Variants in DAB1 observed in about 807,000 individuals in gnomAD.
The protein encoded by DAB1 is disabled homolog 1.
A neutral mutation model predicts 64.6 loss-of-function variants in DAB1; 15 were observed. That is an observed-to-expected ratio of 0.23 (90% CI 0.16 to 0.36). The LOEUF is 0.36. Among genes scored for constraint, DAB1 ranks in the 10% least tolerant of loss-of-function variants. The pLI is 1.00. For missense variants in DAB1, 596 were observed against 706.7 expected (o/e 0.84, Z 1.78); for synonymous variants, 235 against 251.9 (o/e 0.93, Z 0.64).
At chr1:58,359,302 G>T (rs1644141577) in intron 3 of DAB1, among the ~76,000 whole-genome samples, 1 of 152,132 alleles carries the variant, frequency 6.6e-6, no homozygotes. Flanking sequence ...AAATTACTTT[G>T]TAAATCAATG....
intron 7 of DAB1, among the ~76,000 whole-genome samples, chr1:57,439,446 T>TTTTTTTTTTTTTTTTG (rs1685847161): frequency 7.0e-6 from 1 of 141,944 alleles, no homozygotes; most frequent in Non-Finnish European, 1.5e-5. Flanking sequence ...TTTTTTTTTT[T>TTTTTTTTTTTTTTTTG]TGAGACGGAG....
intron 12 of DAB1, among the ~76,000 whole-genome samples, chr1:57,013,165 G>A (rs1056047566): frequency 1.2e-4 from 18 of 152,218 alleles, no homozygotes; most frequent in African/African-American, 4.3e-4. Context: ...ATAGTGCCGA[G>A]GTTGCCAACG....
At chr1:57,417,153 G>A (rs964422799) in intron 1 of DAB1, among the ~76,000 whole-genome samples, 1 of 152,086 alleles carries the variant, frequency 6.6e-6, no homozygotes, top group African/African-American at 2.4e-5. Context: ...GTTACCAGGA[G>A]GTTTCAACTG....
intron 3 of DAB1, among the ~76,000 whole-genome samples, chr1:58,449,925 AT>A (rs1645114078): frequency 6.6e-6 from 1 of 152,212 alleles, no homozygotes; most frequent in Non-Finnish European, 1.5e-5. Flanking sequence ...ATAACACCTG[AT>A]TATGTGGTCA....
chr1:57,205,383 T>G (rs1036814883), intron 2 of DAB1, among the ~76,000 whole-genome samples: 2 of 152,176 alleles, frequency 1.3e-5, no homozygotes, highest in East Asian at 3.8e-4. Context: ...GTCTCTACTC[T>G]CTGAGCGTAG....
chr1:57,455,118 G>C (rs1399137227), intron 7 of DAB1, among the ~76,000 whole-genome samples: 1 of 152,144 alleles, frequency 6.6e-6, no homozygotes, highest in East Asian at 1.9e-4. Context: ...CAGGTAGAGG[G>C]AAAAGCATGT....
At position 57,053,666 on chromosome 1, in the gene DAB1, GTA is replaced by G. The variant is rs71051215; in HGVS notation, c.723+9216_723+9217del. Among the ~76,000 whole-genome samples the G allele has an allele frequency of 3.2e-3, 315 of 99,158 alleles. 4 individuals are homozygous for G. Among genetic ancestry groups the G allele is most frequent in the South Asian group, 6.1e-3 (16 of 2,618 alleles). 65.1% of individuals were successfully genotyped at this position (99,158 alleles called of 152,430 possible). ...AATCTCTCTCTCTCTCTCTCTATAT[GTA>G]TATATATATATATATATATATTTTT... is the stretch of plus-strand genomic sequence containing the variant. On this transcript the variant is annotated intron_variant, in intron 9 of 14. Coordinates refer to ENST00000371236, the MANE Select transcript of DAB1 (RefSeq NM_001365792.1).
intron 5 of DAB1, among the ~76,000 whole-genome samples, chr1:58,108,946 T>A (rs980972558): frequency 6.6e-6 from 1 of 152,176 alleles, no homozygotes; most frequent in Non-Finnish European, 1.5e-5. Flanking sequence ...AACAGTCTGG[T>A]TGAAAGAAGA....
chr1:57,014,455 G>A (rs928294684), intron 12 of DAB1, among the ~76,000 whole-genome samples: 1 of 152,062 alleles, frequency 6.6e-6, no homozygotes, highest in African/African-American at 2.4e-5. Flanking sequence ...AATAAGCCAC[G>A]CCAAAATCTG....
Position 57,011,195 on chromosome 1 carries a change from T to C in DAB1, c.1522A>G (p.Ile508Val), listed in dbSNP as rs748863712. ...SHASDPTTDD[I>V]FEEGFESPSK... ...GGACTTTCAAAGCCCTCTTCAAAGA[T>C]GTCATCTGTGGTAGGATCACTGGCA... is the stretch of plus-strand genomic sequence containing the variant. The change falls in exon 13 of 15, where the codon ATC becomes GTC. Residue 508 changes from isoleucine (I) to valine (V), a missense_variant. Ile to Val is a conservative substitution (Grantham distance 29, BLOSUM62 3). This residue lies in a region of DAB1 where 377 missense variants were observed against 400.4 expected (regional missense o/e 0.94). Transcript: ENST00000371236. The C allele has an allele frequency of 2.7e-5, 44 of 1,614,100 alleles. No homozygotes were observed. Among genetic ancestry groups the C allele is most frequent in the South Asian group, 2.5e-4 (23 of 91,084 alleles).
At chr1:57,836,510 C>G (rs538458364) in intron 1 of DAB1, among the ~76,000 whole-genome samples, 4 of 152,338 alleles carry the variant, frequency 2.6e-5, no homozygotes, top group African/African-American at 7.2e-5. Context: ...TCTATGCTCA[C>G]TCTTTCGGAG....
intron 2 of DAB1, among the ~76,000 whole-genome samples, chr1:57,259,449 A>T (rs140314713): frequency 1.6e-3 from 249 of 152,302 alleles, no homozygotes; most frequent in African/African-American, 5.8e-3. Flanking sequence ...AGCTGAACTA[A>T]GTCTTAACCA....
In DAB1 at chr1:57,948,108, T is replaced by C. The variant is rs74072575; in HGVS notation, n.388-63946A>G. ...TGCTTCACTAACCTTCCTTGGAGAC[T>C]GAGCTCAGGTATATCTCTGGAAACT... On this transcript the variant is annotated intron_variant and non_coding_transcript_variant, in intron 5 of 20. Transcript: ENST00000485760. Among the ~76,000 whole-genome samples the C allele has an allele frequency of 8.4e-3, 1,280 of 152,328 alleles. 14 individuals carry two copies. The highest frequency in any genetic ancestry group is 0.029 in the African/African-American group (1,189 of 41,586).
intron 6 of DAB1, among the ~76,000 whole-genome samples, chr1:57,783,986 G>A (rs3131749): frequency 0.5 from 76,689 of 151,946 alleles, 20,296 homozygotes; most frequent in South Asian, 0.64. Context: ...ATGGCCTCTA[G>A]GTGTTCAAGT....
chr1:57,462,561 A>G (rs901929809), intron 7 of DAB1, among the ~76,000 whole-genome samples: 1 of 152,140 alleles, frequency 6.6e-6, no homozygotes, highest in African/African-American at 2.4e-5. Flanking sequence ...ATAGCTAACA[A>G]CTACTGACAA....
At chr1:57,129,068 A>G (rs767116526) in intron 4 of DAB1, among the ~76,000 whole-genome samples, 1 of 152,202 alleles carries the variant, frequency 6.6e-6, no homozygotes, top group Non-Finnish European at 1.5e-5. Context: ...AACGAGGCCA[A>G]GCATGTAAAA....
intron 6 of DAB1, among the ~76,000 whole-genome samples, chr1:57,786,182 C>G (rs1483882468): frequency 6.6e-6 from 1 of 152,116 alleles, no homozygotes; most frequent in African/African-American, 2.4e-5. Context: ...AATACTTTTG[C>G]ACACTTAATG....
intron 3 of DAB1, among the ~76,000 whole-genome samples, chr1:58,361,181 G>A (rs978464021): frequency 2.6e-5 from 4 of 152,208 alleles, no homozygotes; most frequent in Admixed American, 1.3e-4. Context: ...CCCTGCAGCA[G>A]ACCACAGCCT....
chr1:57,586,870 A>G (rs764925652), intron 7 of DAB1, among the ~76,000 whole-genome samples: 6 of 151,908 alleles, frequency 3.9e-5, no homozygotes, highest in Non-Finnish European at 8.8e-5. Context: ...AAAATCAAGG[A>G]TTTTATCTCA....
Sources: gnomAD v4.1 joint callset for allele counts (sites outside exome capture counted in the v4.1 genomes callset) on GRCh38, gnomAD v4.1.1 for gene constraint, gnomAD v4.1.1 regional missense constraint, MANE v1.5 for transcripts, NCBI Gene and HGNC (gene_info 2026-07-23, HGNC 2026-07-21) for gene names.